KLF17: variants seen among roughly 807,000 people sequenced by gnomAD.
The protein encoded by KLF17 is KLF transcription factor 17.
In KLF17, 31 loss-of-function variants were observed where a neutral mutation model predicts 34.2. The ratio of observed to expected loss-of-function variants is 0.91; its 90% CI spans 0.68 to 1.22. The LOEUF (loss-of-function observed/expected upper bound fraction) is 1.22, where lower values mean the gene tolerates loss of function less well. Among genes scored for constraint, KLF17 ranks in the 50% most tolerant of loss-of-function variants. The pLI is 0.00. For missense variants in KLF17, 478 were observed against 505.2 expected (o/e 0.95, Z 0.52); for synonymous variants, 179 against 186.7 (o/e 0.96, Z 0.34).
At chr1:44,092,187 A>G in the KLF17 span, among the ~76,000 whole-genome samples, 2 of 151,972 alleles carry the variant, frequency 1.3e-5, no homozygotes, top group Non-Finnish European at 2.9e-5. Context: ...TACTTAAAAT[A>G]CAAAATTAGC....
chr1:44,046,327 C>T, the KLF17 span: 3 of 151,728 alleles, frequency 2.0e-5, no homozygotes, highest in East Asian at 5.8e-4. Context: ...AAGTGATTCT[C>T]CTGCCTCAGC....
the KLF17 span, among the ~76,000 whole-genome samples, chr1:44,078,495 T>G: frequency 2.7e-5 from 4 of 149,920 alleles, no homozygotes; most frequent in African/African-American, 9.8e-5. Flanking sequence ...TGCAGTGCAG[T>G]GGCGCAATCT....
chr1:44,047,575 A>G, the KLF17 span, among the ~76,000 whole-genome samples: 1 of 149,040 alleles, frequency 6.7e-6, no homozygotes. Context: ...GCACAGTGAC[A>G]TCAACATCAC....
In KLF17 at chr1:44,134,949, A is replaced by G. The variant is rs920335618; in HGVS notation, c.*1712A>G. On this transcript the variant is annotated 3_prime_UTR_variant, in exon 4 of 4. Transcript: ENST00000372299. Reference sequence around the variant, plus strand: ...CTTGATTCGTTTTCCATTGATTGTGATATCTATCATACCTGCAAAAAATAT... The same window carrying G: ...CTTGATTCGTTTTCCATTGATTGTGGTATCTATCATACCTGCAAAAAATAT... 2 of 152,120 alleles carry G rather than the reference A, an allele frequency of 1.3e-5. No individual in the cohort carries two copies. The highest frequency in any genetic ancestry group is 2.4e-5 in the African/African-American group (1 of 41,406). The allele number at this position is 152,120 out of a possible 1,614,324, so 9.4% of individuals were successfully genotyped here.
the KLF17 span, among the ~76,000 whole-genome samples, chr1:44,052,830 A>C: frequency 6.6e-6 from 1 of 152,138 alleles, no homozygotes; most frequent in Admixed American, 6.5e-5. Context: ...GAAAAAGAAA[A>C]AATTTATTTT....
At chr1:44,098,575 G>A in the KLF17 span, among the ~76,000 whole-genome samples, 1 of 123,502 alleles carries the variant, frequency 8.1e-6, no homozygotes, top group Non-Finnish European at 1.6e-5. Flanking sequence ...TTCTGAGACT[G>A]AGTCTCGTCC....
chr1:44,110,828 A>G, the KLF17 span, among the ~76,000 whole-genome samples: 1 of 152,108 alleles, frequency 6.6e-6, no homozygotes, highest in African/African-American at 2.4e-5. Flanking sequence ...AAAATTGGTC[A>G]GAATTGTGCT....
the KLF17 span, among the ~76,000 whole-genome samples, chr1:44,082,563 T>C: frequency 2.0e-5 from 3 of 152,210 alleles, no homozygotes; most frequent in African/African-American, 7.2e-5. Context: ...GGGGGTTCCC[T>C]GAGAACAGAT....
the KLF17 span, chr1:44,052,032 C>T: frequency 6.6e-6 from 1 of 152,088 alleles, no homozygotes; most frequent in Non-Finnish European, 1.5e-5. Context: ...TAGAAGTGTC[C>T]AAATTCTTAC....
the KLF17 span, among the ~76,000 whole-genome samples, chr1:44,047,026 CAAAAA>C: frequency 1.2e-3 from 99 of 83,500 alleles, no homozygotes; most frequent in African/African-American, 4.2e-3. Flanking sequence ...GACTCAGTCT[CAAAAA>C]AAAAAAAAAA....
the KLF17 span, among the ~76,000 whole-genome samples, chr1:44,112,577 T>C: frequency 1.4e-4 from 21 of 152,038 alleles, no homozygotes; most frequent in South Asian, 6.2e-4. Flanking sequence ...GCCATTTTTA[T>C]TGTTTATTTT....
Position 44,132,163 on chromosome 1 carries a change from A to G in KLF17, c.*1-1075A>G, listed in dbSNP as rs371556141. On this transcript the variant is annotated intron_variant, in intron 3 of 3. Coordinates refer to ENST00000372299, the MANE Select transcript of KLF17 (RefSeq NM_173484.4). ...TCTACAAAAAATACAAAAATTAGCT[A>G]GGCATGGTGGCGTGCGCCTGTAGTC... 3.9e-5 allele frequency among the ~76,000 whole-genome samples: 6 copies of G among 152,204 alleles called. No homozygotes were observed. The South Asian group carries it at 8.3e-4, about 21-fold the overall frequency.
At chr1:44,081,164 T>C in the KLF17 span, among the ~76,000 whole-genome samples, 3 of 149,278 alleles carry the variant, frequency 2.0e-5, no homozygotes, top group Non-Finnish European at 3.0e-5. Flanking sequence ...AGGCAGAGGT[T>C]GCAGTGAGCC....
chr1:44,133,987 C>T lies in KLF17; in HGVS notation c.*750C>T, dbSNP rs2088141352. 6.6e-6 allele frequency: 1 copy of T among 152,174 alleles called. No homozygotes were observed. Among genetic ancestry groups the T allele is most frequent in the Non-Finnish European group, 1.5e-5 (1 of 68,060 alleles). The allele number at this position is 152,174 out of a possible 1,614,324, so 9.4% of individuals were successfully genotyped here. A position where few individuals can be genotyped will look rare whatever the true frequency, so the allele number is the denominator to read the frequency against. Reference sequence around the variant, plus strand: ...GCAGGTCATCTCGGGTTCACTGGGCCAGGGATGGTCTCTGTTCCCCAGCCC... The same window carrying T: ...GCAGGTCATCTCGGGTTCACTGGGCTAGGGATGGTCTCTGTTCCCCAGCCC... On this transcript the variant is annotated 3_prime_UTR_variant, in exon 4 of 4. Transcript: ENST00000372299.
the KLF17 span, among the ~76,000 whole-genome samples, chr1:44,083,614 G>T: frequency 6.6e-6 from 1 of 151,966 alleles, no homozygotes. Flanking sequence ...GGCTAACATA[G>T]TGAAACCCAT....
At chr1:44,103,777 C>A in the KLF17 span, 2 of 1,016,794 alleles carry the variant, frequency 2.0e-6, no homozygotes, top group Non-Finnish European at 3.1e-6. Flanking sequence ...TCTGTGATGG[C>A]GGCCTCCAGG....
At chr1:44,046,403 G>T in the KLF17 span, among the ~76,000 whole-genome samples, 1 of 151,786 alleles carries the variant, frequency 6.6e-6, no homozygotes, top group African/African-American at 2.4e-5. Context: ...AATTTTATTT[G>T]TAGAGACGGG....
At chr1:44,121,326 G>A (rs1217388993) in intron 1 of KLF17, among the ~76,000 whole-genome samples, 1 of 152,078 alleles carries the variant, frequency 6.6e-6, no homozygotes, top group African/African-American at 2.4e-5. Context: ...TGTTTGTCAG[G>A]CTGGTCTCAA....
At chr1:44,096,485 G>A in the KLF17 span, among the ~76,000 whole-genome samples, 1 of 149,582 alleles carries the variant, frequency 6.7e-6, no homozygotes, top group African/African-American at 2.5e-5. Context: ...TGCAAGCTCC[G>A]CCTCCCAGGT....
Sources: gnomAD v4.1 joint callset for allele counts (sites outside exome capture counted in the v4.1 genomes callset) on GRCh38, gnomAD v4.1.1 for gene constraint, MANE v1.5 for transcripts, NCBI Gene and HGNC (gene_info 2026-07-23, HGNC 2026-07-21) for gene names.